Variants in PC observed in about 807,000 individuals in gnomAD.
PC encodes pyruvate carboxylase, mitochondrial.
PC carries 46 observed loss-of-function variants against 107.8 expected under a neutral mutation model. That is an observed-to-expected ratio of 0.43 (90% CI 0.34 to 0.55). PC has a LOEUF of 0.55. Among genes scored for constraint, PC ranks in the 20% least tolerant of loss-of-function variants. PC has a pLI of 0.04. For synonymous variants in PC, 662 were observed against 684.7 expected (o/e 0.97, Z 0.52); for missense variants, 1,241 against 1,643.1 (o/e 0.76, Z 4.23).
chr11:66,924,200 T>A, intron 3 of PC, among the ~76,000 whole-genome samples: 2 of 127,630 alleles, frequency 1.6e-5, no homozygotes, highest in African/African-American at 3.0e-5. Context: ...AGACTCTATC[T>A]CAGAAAAAAA....
Position 66,853,367 on chromosome 11 carries a change from A to C in PC, c.1385T>G (p.Leu462Arg). ...CTGCTGGTTGTTGAGCACATTCTGC[A>C]GGAAGGCGATGTTGGTCTGCAGGAC... Reference protein sequence around the residue: ...VRGVKTNIAFLQNVLNNQQFL... With the variant: ...VRGVKTNIAFRQNVLNNQQFL... The change falls in exon 13 of 23, where the codon CTG becomes CGG. Residue 462 changes from leucine (L) to arginine (R), a missense_variant. Leu to Arg is a moderately radical substitution (Grantham distance 102). This residue lies in a region of PC where 1,143 missense variants were observed against 1,551.9 expected (regional missense o/e 0.74). Transcript: ENST00000393960. The C allele has an allele frequency of 6.3e-7, 1 of 1,592,768 alleles. No individual in the cohort carries two copies. Among genetic ancestry groups the C allele is most frequent in the Non-Finnish European group, 8.6e-7 (1 of 1,166,126 alleles).
intron 3 of PC, among the ~76,000 whole-genome samples, chr11:66,883,931 TA>T (rs200991273): frequency 1.3e-5 from 2 of 148,626 alleles, no homozygotes; most frequent in Non-Finnish European, 1.5e-5. Flanking sequence ...GCCAAAAAAT[TA>T]AAAAAAAAAC....
chr11:66,892,098 A>G (rs543430299), intron 3 of PC, among the ~76,000 whole-genome samples: 1 of 152,102 alleles, frequency 6.6e-6, no homozygotes, highest in Non-Finnish European at 1.5e-5. Context: ...AAGTTATAGG[A>G]AGAGGAAGGG....
At chr11:66,850,640 G>A in intron 18 of PC, 34 bp downstream of exon 18, 2 of 1,604,106 alleles carry the variant, frequency 1.2e-6, no homozygotes, top group East Asian at 2.2e-5. Flanking sequence ...GCGGCTTTGA[G>A]AGGGGTGTGG....
intron 3 of PC, among the ~76,000 whole-genome samples, chr11:66,931,778 G>A (rs900378913): frequency 5.9e-5 from 9 of 152,142 alleles, no homozygotes; most frequent in Non-Finnish European, 1.3e-4. Context: ...AGCACTTTGG[G>A]AGGCCAAGGC....
intron 3 of PC, among the ~76,000 whole-genome samples, chr11:66,920,383 G>T (rs1565287493): frequency 6.6e-6 from 1 of 152,040 alleles, no homozygotes; most frequent in Admixed American, 6.6e-5. Context: ...AGCTGAAACT[G>T]TTAGGAAAAC....
chr11:66,872,210 C>A (rs1439289581), intron 3 of PC, 51 bp from the exon 4 acceptor site: 1 of 1,548,332 alleles, frequency 6.5e-7, no homozygotes, highest in Middle Eastern at 1.7e-4. Flanking sequence ...CACTGAGGCT[C>A]CTCAGAATGA....
At chr11:66,957,222 T>C (rs914787082) in intron 1 of PC, among the ~76,000 whole-genome samples, 3 of 152,238 alleles carry the variant, frequency 2.0e-5, no homozygotes, top group Non-Finnish European at 2.9e-5. Context: ...CTGGAGGTTC[T>C]GGTTGTCATC....
intron 3 of PC, among the ~76,000 whole-genome samples, chr11:66,883,110 A>G (rs1947242603): frequency 6.6e-6 from 1 of 152,214 alleles, no homozygotes; most frequent in Non-Finnish European, 1.5e-5. Flanking sequence ...AGCAGTGAAC[A>G]GTGCCAGCAG....
intron 3 of PC, among the ~76,000 whole-genome samples, chr11:66,939,011 T>C (rs1949062286): frequency 6.6e-6 from 1 of 152,240 alleles, no homozygotes; most frequent in Non-Finnish European, 1.5e-5. Flanking sequence ...AGTCATTTAA[T>C]ACTGGCCCTA....
intron 3 of PC, among the ~76,000 whole-genome samples, chr11:66,881,905 G>A (rs1196277632): frequency 1.3e-5 from 2 of 152,208 alleles, no homozygotes; most frequent in Admixed American, 6.5e-5. Context: ...AACTAAAGGA[G>A]TAAGTCACGG....
chr11:66,943,798 C>T (rs1229363769), intron 3 of PC, among the ~76,000 whole-genome samples: 1 of 83,912 alleles, frequency 1.2e-5, no homozygotes, highest in East Asian at 3.6e-4. Context: ...AATTTCTCAA[C>T]ATGGTGAAAC....
chr11:66,881,432 A>G (rs1947185387), intron 3 of PC, among the ~76,000 whole-genome samples: 1 of 152,158 alleles, frequency 6.6e-6, no homozygotes. Context: ...CACAGCTTCC[A>G]TTTCCCTCCC....
rs1264210988 is a variant in PC at position 66,852,058 on chromosome 11, A to ATC, written c.1826-114_1826-113dup. The ATC allele has an allele frequency of 4.6e-6, 5 of 1,091,186 alleles. No individual in the cohort carries two copies. The highest frequency in any genetic ancestry group is 6.8e-6 in the Non-Finnish European group (5 of 735,778). The allele number at this position is 1,091,186 out of a possible 1,614,324, so 67.6% of individuals were successfully genotyped here. A position where few individuals can be genotyped will look rare whatever the true frequency, so the allele number is the denominator to read the frequency against. On this transcript the variant is annotated intron_variant, in intron 15 of 22. Transcript: ENST00000393960. The surrounding 1 kb of genome is among the most constrained non-coding windows in gnomAD (Gnocchi z 4.7). Reference sequence around the variant, plus strand: ...CTGGCCCCAATACCAGGTCCTGCTCATCTTCGCCATACCTGTGTTCCCTGC... The same window carrying ATC: ...CTGGCCCCAATACCAGGTCCTGCTCATCTCTTCGCCATACCTGTGTTCCCTGC...
Position 66,946,078 on chromosome 11 carries a change from G to A in PC, c.-1+6352C>T, listed in dbSNP as rs564607877. On this transcript the variant is annotated intron_variant, in intron 3 of 22. Coordinates refer to ENST00000393960, the MANE Select transcript of PC (RefSeq NM_001040716.2). ...TCCGCAGTCCGGCCTGGGCGACAGA[G>A]CGAGACTCCGTCTCAAAAAAAAAAA... Among the ~76,000 whole-genome samples, 8 of 143,058 alleles carry A rather than the reference G, an allele frequency of 5.6e-5. No homozygotes were observed. The South Asian group carries it at 1.3e-3, about 24-fold the overall frequency. 93.9% of individuals were successfully genotyped at this position (143,058 alleles called of 152,430 possible).
At chr11:66,948,313 C>T (rs1427046483) in intron 3 of PC, among the ~76,000 whole-genome samples, 3 of 151,874 alleles carry the variant, frequency 2.0e-5, no homozygotes, top group Admixed American at 6.6e-5. Context: ...AGAATATATA[C>T]TGTATGAGTC....
intron 3 of PC, among the ~76,000 whole-genome samples, chr11:66,895,897 A>G (rs1947743403): frequency 6.6e-6 from 1 of 152,218 alleles, no homozygotes; most frequent in African/African-American, 2.4e-5. Flanking sequence ...ACACAGGCCT[A>G]CACCAAGGCA....
At chr11:66,853,423 C>T in intron 12 of PC, 40 bp from the exon 13 acceptor site, 1 of 1,611,886 alleles carries the variant, frequency 6.2e-7, no homozygotes, top group Non-Finnish European at 8.5e-7. Flanking sequence ...CACCATGCAG[C>T]ACAGACAGGG....
intron 3 of PC, among the ~76,000 whole-genome samples, chr11:66,944,353 C>T (rs1247607787): frequency 5.2e-5 from 6 of 115,064 alleles, no homozygotes; most frequent in Admixed American, 8.2e-5. Flanking sequence ...CCAAGGCAGG[C>T]GGATCACTTG....
Sources: allele counts gnomAD v4.1 joint callset (sites outside exome capture counted in the v4.1 genomes callset), GRCh38; gene constraint gnomAD v4.1.1; regional missense constraint gnomAD v4.1.1; non-coding constraint Gnocchi (gnomAD v3.1); transcripts MANE v1.5; gene names NCBI Gene and HGNC (gene_info 2026-07-23, HGNC 2026-07-21).